Variants in DNMT1 observed in about 807,000 individuals in gnomAD.
DNMT1 encodes DNA (cytosine-5)-methyltransferase 1.
A neutral mutation model predicts 205.3 loss-of-function variants in DNMT1; 24 were observed. The observed-to-expected ratio is 0.12, with a 90% CI of 0.08 to 0.16. The LOEUF (loss-of-function observed/expected upper bound fraction) is 0.16. DNMT1 is among the 10% of genes least tolerant of loss of function. The pLI, the probability that DNMT1 is intolerant of heterozygous loss-of-function variation, is 1.00. For synonymous variants in DNMT1, 817 were observed against 839.8 expected, an observed-to-expected ratio of 0.97 and a Z score of 0.47; for missense variants, 1,293 against 2,177.7, an observed-to-expected ratio of 0.59 and a Z score of 8.09.
chr19:10,180,877 C>T lies in DNMT1; in HGVS notation c.126G>A (p.Val42=). The part of the protein sequence containing the change: ...ERDSLTEKEC[V]KEKLNLLHEF... The stretch of plus-strand genomic sequence containing the variant: ...CGTGCAAGAGATTCAATTTCTCCTT[C>T]ACACATTCCTAAGGGAAGGATATAG... Residue 42 remains valine (V), a synonymous_variant, in exon 3 of 41, where the codon GTG becomes GTA. Coordinates refer to ENST00000359526, the MANE Select transcript of DNMT1 (RefSeq NM_001130823.3). 1 of 1,614,086 alleles carries T rather than the reference C, an allele frequency of 6.2e-7. No individual in the cohort carries two copies. The highest frequency in any genetic ancestry group is 8.5e-7 in the Non-Finnish European group (1 of 1,179,946).
rs1225914765 is a variant in DNMT1 at position 10,144,314 on chromosome 19, A to G, written c.2895-327T>C. ...TTCCAGCTACTTGGGAGGCTGAGGCAGGAGAATTGCTTGAACCCAGGAGGC... is the reference window on the plus strand; with the variant it reads ...TTCCAGCTACTTGGGAGGCTGAGGCGGGAGAATTGCTTGAACCCAGGAGGC... On this transcript the variant is annotated intron_variant, in intron 28 of 40. Transcript: ENST00000359526. 1.4e-5 allele frequency: 5 copies of G among 357,806 alleles called. No homozygotes were observed. In the Admixed American group the frequency reaches 1.9e-4, roughly 14 times the overall value. The allele number at this position is 357,806 out of a possible 1,614,324, so 22.2% of individuals were successfully genotyped here. A position where few individuals can be genotyped will look rare whatever the true frequency, so the allele number is the denominator to read the frequency against.
intron 22 of DNMT1, among the ~76,000 whole-genome samples, chr19:10,152,625 G>A (rs771137176): frequency 9.2e-5 from 14 of 152,004 alleles, no homozygotes; most frequent in Non-Finnish European, 5.9e-5. Context: ...GCTGGGCATG[G>A]TGGCGTGCAC....
Position 10,139,688 on chromosome 19 carries a change from G to A in DNMT1, c.3936C>T (p.Phe1312=), listed in dbSNP as rs367637414. 64 of 1,613,274 alleles carry A rather than the reference G, an allele frequency of 4.0e-5. No individual in the cohort carries two copies. Among genetic ancestry groups the A allele is most frequent in the East Asian group, 1.8e-4 (8 of 44,880 alleles). Reference sequence around the variant, plus strand: ...CCCCAGGGCCCACCTGCAGCACGCCGAAGGTGCACTGATAGCCCATGCGGA... The same window carrying A: ...CCCCAGGGCCCACCTGCAGCACGCCAAAGGTGCACTGATAGCCCATGCGGA... ...CLVRMGYQCT[F]GVLQAGQYGV... Residue 1312 remains phenylalanine (F), a synonymous_variant, in exon 34 of 41, where the codon TTC becomes TTT. Coordinates refer to ENST00000359526, the MANE Select transcript of DNMT1 (RefSeq NM_001130823.3).
At position 10,159,972 on chromosome 19, in the gene DNMT1, C is replaced by G; in HGVS notation, c.1089+46G>C. On this transcript the variant is annotated intron_variant, in intron 15 of 40. Transcript: ENST00000359526. The surrounding 1 kb of genome is among the most constrained non-coding windows in gnomAD (Gnocchi z 5.0). ...TGGCACTCAGAGAGCAGCTCCCAGCCGCCTCGTGAGCGCCGCCACCGGCTT... is the reference window on the plus strand; with the variant it reads ...TGGCACTCAGAGAGCAGCTCCCAGCGGCCTCGTGAGCGCCGCCACCGGCTT... 10 of 1,614,082 alleles carry G rather than the reference C, an allele frequency of 6.2e-6. No homozygotes were observed. The highest frequency in any genetic ancestry group is 8.5e-6 in the Non-Finnish European group (10 of 1,180,030).
At chr19:10,178,505 T>A (rs1418986457) in intron 5 of DNMT1, 2 of 152,192 alleles carry the variant, frequency 1.3e-5, no homozygotes, top group Non-Finnish European at 2.9e-5. Context: ...ACGCCTGTAA[T>A]CCCAACACTT....
At chr19:10,192,283 C>G (rs1198221822) in intron 1 of DNMT1, among the ~76,000 whole-genome samples, 3 of 151,596 alleles carry the variant, frequency 2.0e-5, no homozygotes, top group Non-Finnish European at 4.4e-5. Flanking sequence ...GAGATCCTGT[C>G]TCTTAAAAAA....
At chr19:10,162,312 T>C (rs1168548504) in intron 13 of DNMT1, among the ~76,000 whole-genome samples, 1 of 149,410 alleles carries the variant, frequency 6.7e-6, no homozygotes, top group Admixed American at 6.7e-5. Context: ...CTAATTTTGC[T>C]GTGTCCCCAG....
At chr19:10,185,059 G>A (rs755496993) in intron 1 of DNMT1, among the ~76,000 whole-genome samples, 2 of 152,234 alleles carry the variant, frequency 1.3e-5, no homozygotes, top group Non-Finnish European at 2.9e-5. Flanking sequence ...CCCTGCTCCA[G>A]GCAAAGAGCT....
At chr19:10,148,713 C>T (rs1043616172) in intron 27 of DNMT1, among the ~76,000 whole-genome samples, 171 bp downstream of exon 27, 3 of 152,102 alleles carry the variant, frequency 2.0e-5, no homozygotes, top group Non-Finnish European at 4.4e-5. Context: ...TAAAGCAACT[C>T]CAGGCCATCT....
intron 12 of DNMT1, 67 bp from the exon 13 acceptor site, chr19:10,162,815 G>T: frequency 6.5e-7 from 1 of 1,548,216 alleles, no homozygotes; most frequent in South Asian, 1.1e-5. Flanking sequence ...CAACTCGCAC[G>T]GAAAGTGACA....
At chr19:10,161,361 A>C (rs775723411) in intron 13 of DNMT1, among the ~76,000 whole-genome samples, 30 of 140,060 alleles carry the variant, frequency 2.1e-4, no homozygotes, top group Non-Finnish European at 3.6e-4. Context: ...AAATAAATAA[A>C]TAACTGGCCA....
Position 10,149,024 on chromosome 19 carries a change from A to G in DNMT1, c.2587-7T>C, listed in dbSNP as rs772634078. ...ACTCGGGATCCATGCCTCCCTTGGG[A>G]GATAAGAATGCGTGTCAGGCCAGGC... On this transcript the variant is annotated splice_polypyrimidine_tract_variant and splice_region_variant and intron_variant, in intron 26 of 40. Coordinates refer to ENST00000359526, the MANE Select transcript of DNMT1 (RefSeq NM_001130823.3). The G allele has an allele frequency of 6.2e-7, 1 of 1,613,882 alleles. No homozygotes were observed.
At chr19:10,186,906 C>CCT (rs2039196191) in intron 1 of DNMT1, among the ~76,000 whole-genome samples, 1 of 150,524 alleles carries the variant, frequency 6.6e-6, no homozygotes, top group Non-Finnish European at 1.5e-5. Flanking sequence ...ACAGCTCACG[C>CCT]CTGCGGGATT....
intron 6 of DNMT1, 115 bp from the exon 7 acceptor site, chr19:10,175,733 T>C: frequency 2.0e-6 from 2 of 1,004,452 alleles, no homozygotes; most frequent in South Asian, 2.6e-5. Context: ...TTAATGTTTC[T>C]CTGAATGACG....
intron 12 of DNMT1, chr19:10,162,961 A>C: frequency 7.7e-6 from 4 of 520,870 alleles, no homozygotes; most frequent in Non-Finnish European, 1.0e-5. Flanking sequence ...TTTCTAGAAC[A>C]GGCTTTTTTT....
chr19:10,182,501 G>GTGTATATATATACATATATATGTGTATA (rs1568256458), intron 1 of DNMT1, among the ~76,000 whole-genome samples: 4 of 71,924 alleles, frequency 5.6e-5, no homozygotes, highest in Admixed American at 1.7e-4. Context: ...ATATATATGT[G>GTGTATATATATACATATATATGTGTATA]TGTATATATA....
chr19:10,135,760 G>A lies in DNMT1; in HGVS notation c.4749C>T (p.Gly1583=). 5 of 1,605,348 alleles carry A rather than the reference G, an allele frequency of 3.1e-6. No homozygotes were observed. The highest frequency in any genetic ancestry group is 3.4e-6 in the Non-Finnish European group (4 of 1,177,266). The change falls in exon 39 of 41, where the codon GGC becomes GGT. Residue 1583 remains glycine, a synonymous_variant. Coordinates refer to ENST00000359526, the MANE Select transcript of DNMT1 (RefSeq NM_001130823.3). The stretch of plus-strand genomic sequence containing the variant: ...CCTGCCGGTGCTTGTCCAGGATGTT[G>A]CCGAAGAGCCGGTAGGTGTCAGGGA... ...QGFPDTYRLF[G]NILDKHRQVG...
chr19:10,139,547 C>T (rs1021689154), intron 34 of DNMT1, 129 bp downstream of exon 34: 1 of 1,479,720 alleles, frequency 6.8e-7, no homozygotes, highest in African/African-American at 1.4e-5. Context: ...GACAGAGCAC[C>T]ATGCCAGCCT....
intron 28 of DNMT1, among the ~76,000 whole-genome samples, chr19:10,145,636 T>C (rs2038181867): frequency 2.0e-5 from 3 of 152,130 alleles, no homozygotes; most frequent in Non-Finnish European, 2.9e-5. Context: ...GTAACTCATG[T>C]CCGTTAAACC....
Sources: allele counts gnomAD v4.1 joint callset (sites outside exome capture counted in the v4.1 genomes callset), GRCh38; gene constraint gnomAD v4.1.1; non-coding constraint Gnocchi (gnomAD v3.1); transcripts MANE v1.5; gene names NCBI Gene and HGNC (gene_info 2026-07-23, HGNC 2026-07-21).